The following EML4 variants were observed in gnomAD, a reference collection of about 807,000 sequenced individuals.
EML4 encodes echinoderm microtubule-associated protein-like 4.
In EML4, 72 loss-of-function variants were observed where a neutral mutation model predicts 129.0. The observed-to-expected ratio is 0.56, with a 90% CI of 0.46 to 0.68. The LOEUF (loss-of-function observed/expected upper bound fraction) is 0.68, where lower values mean the gene tolerates loss of function less well. Ranked by LOEUF, EML4 falls within the 30% of genes least tolerant of loss-of-function variation. EML4 has a pLI of 0.00. For synonymous variants in EML4, 532 were observed against 405.0 expected, an observed-to-expected ratio of 1.31 and a Z score of -3.77; for missense variants, 1,363 against 1,190.6, an observed-to-expected ratio of 1.14 and a Z score of -2.13.
At chr2:42,316,136 T>G in intron 18 of EML4, 86 bp downstream of exon 18, 1 of 872,122 alleles carries the variant, frequency 1.1e-6, no homozygotes, top group Non-Finnish European at 1.9e-6. Context: ...TAAGGCTGAC[T>G]ACTTTTTTCT....
intron 1 of EML4, among the ~76,000 whole-genome samples, chr2:42,191,251 A>G (rs1671562946): frequency 6.6e-6 from 1 of 152,148 alleles, no homozygotes; most frequent in African/African-American, 2.4e-5. Context: ...TACATAATTG[A>G]GGGTAAGTTA....
chr2:42,285,861 AGTGC>A (rs1667277620), intron 9 of EML4: 1 of 182,714 alleles, frequency 5.5e-6, no homozygotes, highest in Admixed American at 5.5e-5. Context: ...GGCCTCCCAA[AGTGC>A]TAGGATTACC....
chr2:42,329,944 T>C lies in EML4; in HGVS notation c.2683T>C (p.Ser895Pro). 6.2e-7 allele frequency: 1 copy of C among 1,613,884 alleles called. No individual in the cohort carries two copies. Among genetic ancestry groups the C allele is most frequent in the Non-Finnish European group, 8.5e-7 (1 of 1,179,984 alleles). ...CTCTTCCACTGAAAGTGTCATCCAA[T>C]CTAATACTCCCACACCGCCTCCTTC... The part of the protein sequence containing the change: ...PVSSTESVIQ[S>P]NTPTPPPSQP... The change falls in exon 23 of 23, where the codon TCT (serine) becomes CCT (proline). Residue 895 changes from serine (S) to proline (P), a missense_variant. Coordinates refer to ENST00000318522, the MANE Select transcript of EML4 (RefSeq NM_019063.5).
intron 6 of EML4, chr2:42,264,963 C>G (rs971882592): frequency 9.7e-6 from 15 of 1,549,342 alleles, no homozygotes; most frequent in Admixed American, 7.9e-5. Context: ...TAAGAATAAG[C>G]TACGCAGTTG....
intron 6 of EML4, among the ~76,000 whole-genome samples, chr2:42,275,118 A>G (rs1464110049): frequency 6.6e-6 from 1 of 152,128 alleles, no homozygotes; most frequent in African/African-American, 2.4e-5. Flanking sequence ...TGTAATTGAA[A>G]TTTTTCTAGT....
At chr2:42,297,311 G>A (rs1668015302) in intron 13 of EML4, among the ~76,000 whole-genome samples, 1 of 152,014 alleles carries the variant, frequency 6.6e-6, no homozygotes, top group South Asian at 2.1e-4. Flanking sequence ...CTTTTAAATT[G>A]TTCACGAATC....
chr2:42,170,948 A>G (rs1670237114), intron 1 of EML4, among the ~76,000 whole-genome samples: 3 of 152,196 alleles, frequency 2.0e-5, no homozygotes, highest in Admixed American at 2.0e-4. Flanking sequence ...AAATAGTAAA[A>G]CCTATAATTT....
intron 2 of EML4, among the ~76,000 whole-genome samples, chr2:42,247,921 C>G (rs1675518153): frequency 6.6e-6 from 1 of 151,854 alleles, no homozygotes; most frequent in South Asian, 2.1e-4. Flanking sequence ...TATTTTAAAA[C>G]CTATAATAGA....
At chr2:42,293,469 G>C (rs1349509067) in intron 11 of EML4, among the ~76,000 whole-genome samples, 1 of 151,934 alleles carries the variant, frequency 6.6e-6, no homozygotes. Flanking sequence ...CAAATGTTAA[G>C]TAACAGAAAT....
intron 6 of EML4, among the ~76,000 whole-genome samples, chr2:42,271,348 C>T (rs551754809): frequency 1.3e-5 from 2 of 152,240 alleles, no homozygotes; most frequent in Admixed American, 1.3e-4. Context: ...CCCGCCAGGC[C>T]GCTGGTCTCG....
intron 6 of EML4, among the ~76,000 whole-genome samples, chr2:42,279,585 G>A (rs865905730): frequency 1.3e-5 from 2 of 151,788 alleles, no homozygotes; most frequent in Non-Finnish European, 2.9e-5. Context: ...AGCCTCCCAA[G>A]TAGCTGGGAC....
chr2:42,283,709 C>T (rs1411128790), intron 8 of EML4, among the ~76,000 whole-genome samples: 5 of 152,056 alleles, frequency 3.3e-5, no homozygotes, highest in African/African-American at 1.2e-4. Context: ...TAAAATATTG[C>T]CTTTTACACT....
At position 42,232,463 on chromosome 2, in the gene EML4, T is replaced by A. The variant is rs558803476; in HGVS notation, c.26-13042T>A. On this transcript the variant is annotated intron_variant, in intron 1 of 22. Transcript: ENST00000318522. ...TACAGCCTTACATTTGTCTGGTGAT[T>A]CAAGTATAACGACATACAATCTGCT... Among the ~76,000 whole-genome samples the A allele has an allele frequency of 9.8e-5, 15 of 152,338 alleles. No homozygotes were observed. The South Asian group carries it at 2.7e-3, about 27-fold the overall frequency.
chr2:42,268,065 TAAAC>T (rs1242598465), intron 6 of EML4, among the ~76,000 whole-genome samples: 2 of 152,198 alleles, frequency 1.3e-5, no homozygotes, highest in African/African-American at 2.4e-5. Flanking sequence ...AATTTTCTAA[TAAAC>T]AAAATGATAC....
chr2:42,210,758 G>T (rs777926282), intron 1 of EML4, among the ~76,000 whole-genome samples: 3 of 152,042 alleles, frequency 2.0e-5, no homozygotes, highest in African/African-American at 7.2e-5. Context: ...GCCATAGGTT[G>T]GCTCCTATGT....
At chr2:42,169,699 A>G (rs973357997) in intron 1 of EML4, 63 bp downstream of exon 1, 2 of 1,569,700 alleles carry the variant, frequency 1.3e-6, no homozygotes, top group East Asian at 2.4e-5. Context: ...CCTTCCGCAC[A>G]CAGCCCAGGC....
chr2:42,319,436 T>C (rs1384169285), intron 19 of EML4: 2 of 152,248 alleles, frequency 1.3e-5, no homozygotes, highest in Non-Finnish European at 1.5e-5. Context: ...GAGATACCCA[T>C]AGGAACTGTT....
At chr2:42,238,031 G>A (rs998764284) in intron 1 of EML4, among the ~76,000 whole-genome samples, 1 of 152,296 alleles carries the variant, frequency 6.6e-6, no homozygotes, top group East Asian at 1.9e-4. Context: ...TTTTCTGATA[G>A]TTCAGTATAC....
At chr2:42,259,539 C>A (rs562309521) in intron 3 of EML4, among the ~76,000 whole-genome samples, 7 of 152,014 alleles carry the variant, frequency 4.6e-5, no homozygotes, top group Middle Eastern at 3.4e-3. Flanking sequence ...ACCAAACCTA[C>A]CCTCTAAGTA....
Sources: gnomAD v4.1 joint callset for allele counts (sites outside exome capture counted in the v4.1 genomes callset) on GRCh38, gnomAD v4.1.1 for gene constraint, MANE v1.5 for transcripts, NCBI Gene and HGNC (gene_info 2026-07-23, HGNC 2026-07-21) for gene names.